PTPRG: variants seen among roughly 807,000 people sequenced by gnomAD.
PTPRG encodes the protein protein tyrosine phosphatase receptor type G, also known as receptor-type tyrosine-protein phosphatase gamma.
Under a neutral mutation model 165.3 loss-of-function variants are expected in PTPRG, and 102 were observed. That is an observed-to-expected ratio of 0.62 (90% CI 0.53 to 0.73). PTPRG has a LOEUF of 0.73. Among genes scored for constraint, PTPRG ranks in the 30% least tolerant of loss-of-function variants. The pLI, the probability that PTPRG is intolerant of heterozygous loss-of-function variation, is 0.00. For synonymous variants in PTPRG, 675 were observed against 669.5 expected (o/e 1.01, Z -0.13); for missense variants, 1,866 against 1,861.4 (o/e 1.00, Z -0.05).
chr3:61,850,592 A>G (rs1243716719), intron 2 of PTPRG, among the ~76,000 whole-genome samples: 4 of 152,150 alleles, frequency 2.6e-5, no homozygotes, highest in Non-Finnish European at 5.9e-5. Flanking sequence ...TTCAATTTGT[A>G]TATACTTCCT....
At chr3:61,734,139 CTG>C (rs2032628562) in intron 1 of PTPRG, among the ~76,000 whole-genome samples, 1 of 152,208 alleles carries the variant, frequency 6.6e-6, no homozygotes, top group South Asian at 2.1e-4. Flanking sequence ...TAGAGCATGA[CTG>C]TTAAAGAGAA....
intron 1 of PTPRG, among the ~76,000 whole-genome samples, chr3:61,705,012 C>T (rs1391430271): frequency 2.6e-5 from 4 of 152,214 alleles, no homozygotes; most frequent in Admixed American, 2.0e-4. Context: ...AGCCAGGCAG[C>T]TCCTGGGAGA....
intron 2 of PTPRG, among the ~76,000 whole-genome samples, chr3:61,894,585 C>T (rs2038301707): frequency 6.6e-6 from 1 of 152,080 alleles, no homozygotes; most frequent in African/African-American, 2.4e-5. Context: ...GTCATTAATT[C>T]CCCTTTACAG....
chr3:61,906,387 T>C (rs1575771545), intron 2 of PTPRG, among the ~76,000 whole-genome samples: 1 of 149,168 alleles, frequency 6.7e-6, no homozygotes, highest in South Asian at 2.1e-4. Flanking sequence ...ACTGCGGAGG[T>C]GGAGGTTTCA....
At chr3:62,108,576 G>A (rs1325131178) in intron 5 of PTPRG, among the ~76,000 whole-genome samples, 1 of 152,148 alleles carries the variant, frequency 6.6e-6, no homozygotes, top group African/African-American at 2.4e-5. Flanking sequence ...GGGATTGCTG[G>A]GTTAAATGGT....
intron 1 of PTPRG, among the ~76,000 whole-genome samples, chr3:61,716,867 G>T (rs565603889): frequency 6.6e-6 from 1 of 152,286 alleles, no homozygotes; most frequent in East Asian, 1.9e-4. Context: ...AGCTACTCAG[G>T]AGGCTGAGGC....
chr3:61,707,602 C>T (rs1245534860), intron 1 of PTPRG, among the ~76,000 whole-genome samples: 2 of 152,234 alleles, frequency 1.3e-5, no homozygotes, highest in Non-Finnish European at 2.9e-5. Flanking sequence ...GTGATCCCAC[C>T]CACATTAGGG....
Position 61,621,069 on chromosome 3 carries a change from G to A in PTPRG, c.85+58697G>A, listed in dbSNP as rs77409451. On this transcript the variant is annotated intron_variant, in intron 1 of 29. Transcript: ENST00000474889. ...TATATATATGTGTGTGTGTGTGTGT[G>A]TGTGTGTGTATATTTATTTATCTGT... 1.1e-3 allele frequency among the ~76,000 whole-genome samples: 153 copies of A among 142,856 alleles called. 7 individuals carry two copies. The East Asian group carries it at 0.022, about 20-fold the overall frequency. 93.7% of individuals were successfully genotyped at this position (142,856 alleles called of 152,430 possible). A position where few individuals can be genotyped will look rare whatever the true frequency, so the allele number is the denominator to read the frequency against.
intron 2 of PTPRG, among the ~76,000 whole-genome samples, chr3:61,894,292 ACT>A (rs2038291189): frequency 1.7e-5 from 2 of 121,202 alleles, no homozygotes; most frequent in East Asian, 2.7e-4. Flanking sequence ...ACAGAGCAAG[ACT>A]CTGTGTCAAA....
At chr3:62,276,852 T>C (rs748383242) in intron 24 of PTPRG, 120 bp from the exon 25 acceptor site, 1 of 721,366 alleles carries the variant, frequency 1.4e-6, no homozygotes, top group South Asian at 1.9e-5. Context: ...AAAATATAGA[T>C]AAGTCTTAGA....
intron 1 of PTPRG, among the ~76,000 whole-genome samples, chr3:61,617,526 G>C (rs1701330347): frequency 6.6e-6 from 1 of 152,160 alleles, no homozygotes; most frequent in Admixed American, 6.5e-5. Context: ...GAACCAGATG[G>C]CCTTCATTTC....
At chr3:61,593,413 A>C in intron 1 of PTPRG, among the ~76,000 whole-genome samples, 1 of 147,914 alleles carries the variant, frequency 6.8e-6, no homozygotes, top group South Asian at 2.1e-4. Flanking sequence ...AAAAAAAAAA[A>C]AAACCAACCA....
chr3:61,635,743 G>A (rs1252020452), intron 1 of PTPRG, among the ~76,000 whole-genome samples: 2 of 152,082 alleles, frequency 1.3e-5, no homozygotes, highest in African/African-American at 2.4e-5. Flanking sequence ...GATGGCCTAT[G>A]GATTTGATTC....
At chr3:62,285,162 G>A (rs1282464124) in intron 28 of PTPRG, among the ~76,000 whole-genome samples, 2 of 152,060 alleles carry the variant, frequency 1.3e-5, no homozygotes, top group East Asian at 3.9e-4. Context: ...CTCCACCGGG[G>A]GAAACCCAAT....
chr3:61,603,851 T>C (rs1012130391), intron 1 of PTPRG, among the ~76,000 whole-genome samples: 1 of 152,282 alleles, frequency 6.6e-6, no homozygotes, highest in Non-Finnish European at 1.5e-5. Context: ...CTACCATCAG[T>C]GTCTCTCTCC....
chr3:62,134,642 T>G (rs1703639467), intron 6 of PTPRG, among the ~76,000 whole-genome samples: 2 of 152,364 alleles, frequency 1.3e-5, no homozygotes, highest in Admixed American at 1.3e-4. Context: ...ATCCCAGGTT[T>G]CTTTCTTCAA....
chr3:61,767,708 C>A lies in PTPRG; in HGVS notation c.190+18726C>A, dbSNP rs192988251. ...ATTTGGCTGGGCATAATGGCTCATG[C>A]CTATAATCTCAGCACTTTGGGAAGC... On this transcript the variant is annotated intron_variant, in intron 2 of 29. Transcript: ENST00000474889. Among the ~76,000 whole-genome samples, 159 of 152,198 alleles carry A rather than the reference C, an allele frequency of 1.0e-3. 1 individual carries two copies. The highest frequency in any genetic ancestry group is 3.7e-3 in the African/African-American group (153 of 41,512).
intron 2 of PTPRG, among the ~76,000 whole-genome samples, chr3:61,853,166 G>T (rs971588293): frequency 6.6e-6 from 1 of 152,200 alleles, no homozygotes; most frequent in African/African-American, 2.4e-5. Flanking sequence ...GTTCTAAATA[G>T]AAAACATTAA....
chr3:62,022,695 T>C (rs2041725764), intron 4 of PTPRG, among the ~76,000 whole-genome samples: 1 of 152,178 alleles, frequency 6.6e-6, no homozygotes, highest in African/African-American at 2.4e-5. Flanking sequence ...GATTAGTAAA[T>C]CGATTTGTTA....
Sources: allele counts gnomAD v4.1 joint callset (sites outside exome capture counted in the v4.1 genomes callset), GRCh38; gene constraint gnomAD v4.1.1; transcripts MANE v1.5; gene names NCBI Gene and HGNC (gene_info 2026-07-23, HGNC 2026-07-21).